RBFOX3: variants seen among roughly 807,000 people sequenced by gnomAD.
RBFOX3 encodes the protein RNA binding fox-1 homolog 3.
Under a neutral mutation model 48.7 loss-of-function variants are expected in RBFOX3, and 17 were observed. That is an observed-to-expected ratio of 0.35 (90% CI 0.24 to 0.52). The LOEUF (loss-of-function observed/expected upper bound fraction) is 0.52, where lower values mean the gene tolerates loss of function less well. Ranked by LOEUF, RBFOX3 falls within the 20% of genes least tolerant of loss-of-function variation. The pLI, the probability that RBFOX3 is intolerant of heterozygous loss-of-function variation, is 0.94. For synonymous variants in RBFOX3, 212 were observed against 209.5 expected, an observed-to-expected ratio of 1.01 and a Z score of -0.10; for missense variants, 382 against 497.5, an observed-to-expected ratio of 0.77 and a Z score of 2.21.
intron 4 of RBFOX3, among the ~76,000 whole-genome samples, chr17:79,118,451 G>A (rs953446397): frequency 5.1e-4 from 77 of 152,204 alleles, no homozygotes; most frequent in African/African-American, 1.8e-3. Context: ...GAGGAGGAGG[G>A]GGAAGGAGAG....
intron 1 of RBFOX3, among the ~76,000 whole-genome samples, chr17:79,596,904 C>T (rs1398158342): frequency 6.6e-6 from 1 of 152,222 alleles, no homozygotes; most frequent in African/African-American, 2.4e-5. Flanking sequence ...CTTAGATACA[C>T]CCAGTGATAA....
intron 1 of RBFOX3, among the ~76,000 whole-genome samples, chr17:79,510,330 C>T (rs1355570127): frequency 6.6e-6 from 1 of 152,202 alleles, no homozygotes; most frequent in African/African-American, 2.4e-5. Context: ...GTACCTGACC[C>T]GCTGCGCACC....
At chr17:79,493,131 G>A (rs2080940148) in intron 1 of RBFOX3, among the ~76,000 whole-genome samples, 1 of 152,120 alleles carries the variant, frequency 6.6e-6, no homozygotes, top group Admixed American at 6.5e-5. Flanking sequence ...AAGCTGAAGA[G>A]GGAGGAGGCG....
At chr17:79,248,548 C>T (rs568756890) in intron 3 of RBFOX3, among the ~76,000 whole-genome samples, 24 of 152,348 alleles carry the variant, frequency 1.6e-4, no homozygotes, top group Admixed American at 3.9e-4. Flanking sequence ...TTAAACTGCA[C>T]TCCCCAACCT....
intron 5 of RBFOX3, among the ~76,000 whole-genome samples, chr17:79,109,860 G>A (rs1307751990): frequency 1.3e-5 from 2 of 152,212 alleles, no homozygotes; most frequent in Non-Finnish European, 2.9e-5. Flanking sequence ...GGATGAGGCG[G>A]GAGGAAGGGG....
At chr17:79,193,941 T>A (rs879429633) in intron 4 of RBFOX3, among the ~76,000 whole-genome samples, 1 of 146,888 alleles carries the variant, frequency 6.8e-6, no homozygotes, top group African/African-American at 2.6e-5. Flanking sequence ...GTGGAGGAGG[T>A]GGGAGTGGGA....
At chr17:79,621,751 T>C in the RBFOX3 span, among the ~76,000 whole-genome samples, 2 of 152,214 alleles carry the variant, frequency 1.3e-5, no homozygotes, top group African/African-American at 2.4e-5. Flanking sequence ...GCAGCCTCTA[T>C]GGGAAGCTTG....
the RBFOX3 span, among the ~76,000 whole-genome samples, chr17:79,664,297 C>T: frequency 6.6e-6 from 1 of 151,888 alleles, no homozygotes; most frequent in African/African-American, 2.4e-5. Context: ...GCCTCAACCT[C>T]CCGAGTAGCT....
intron 2 of RBFOX3, among the ~76,000 whole-genome samples, chr17:79,459,594 C>G (rs1262373191): frequency 2.0e-5 from 3 of 152,100 alleles, no homozygotes; most frequent in African/African-American, 7.2e-5. Context: ...CCCTGGAAGT[C>G]AAGTCCACCA....
At chr17:79,333,865 A>T (rs2080783342) in intron 2 of RBFOX3, among the ~76,000 whole-genome samples, 1 of 151,976 alleles carries the variant, frequency 6.6e-6, no homozygotes, top group Non-Finnish European at 1.5e-5. Context: ...CTCAAGAGGC[A>T]TCATCCTGGG....
intron 3 of RBFOX3, among the ~76,000 whole-genome samples, chr17:79,266,626 T>A (rs1225047511): frequency 6.6e-6 from 1 of 151,970 alleles, no homozygotes; most frequent in Non-Finnish European, 1.5e-5. Context: ...CTAGATAAGA[T>A]AGCTTCAGAA....
intron 2 of RBFOX3, among the ~76,000 whole-genome samples, chr17:79,420,051 TGGGA>T (rs1310173880): frequency 1.1e-4 from 16 of 151,684 alleles, no homozygotes; most frequent in African/African-American, 3.6e-4. Flanking sequence ...CGCTTGAACC[TGGGA>T]GGCGGATGTT....
At chr17:79,297,279 G>T (rs1324937643) in intron 3 of RBFOX3, among the ~76,000 whole-genome samples, 1 of 152,114 alleles carries the variant, frequency 6.6e-6, no homozygotes, top group African/African-American at 2.4e-5. Context: ...GGCCCCTTGG[G>T]ATCCAGCCTC....
chr17:79,284,215 C>A (rs972837164), intron 3 of RBFOX3, among the ~76,000 whole-genome samples: 1 of 152,150 alleles, frequency 6.6e-6, no homozygotes, highest in Non-Finnish European at 1.5e-5. Context: ...GCCATGTTTC[C>A]GTGAGCATCG....
chr17:79,135,681 C>A (rs2040025616), intron 4 of RBFOX3, among the ~76,000 whole-genome samples: 2 of 152,210 alleles, frequency 1.3e-5, no homozygotes, highest in Admixed American at 6.5e-5. Context: ...CCATTCCTTG[C>A]CAACCTTTCC....
At chr17:79,331,610 G>C (rs1267802958) in intron 2 of RBFOX3, among the ~76,000 whole-genome samples, 2 of 152,192 alleles carry the variant, frequency 1.3e-5, no homozygotes, top group Admixed American at 6.5e-5. Context: ...TCTCCTAAGA[G>C]ATTGAAGACG....
intron 3 of RBFOX3, among the ~76,000 whole-genome samples, chr17:79,267,558 T>A (rs993988206): frequency 6.6e-6 from 1 of 152,168 alleles, no homozygotes. Flanking sequence ...GCCCGGCTAA[T>A]TTTTGTATTT....
At position 79,545,954 on chromosome 17, in the gene RBFOX3, G is replaced by C. The variant is rs1475447414; in HGVS notation, c.-319-63356C>G. ...GGAAAGACTGTGTGTGTGTGCACGT[G>C]TGTGCGTGTGCACGTGTGTGTGCAC... is the stretch of plus-strand genomic sequence containing the variant. On this transcript the variant is annotated intron_variant, in intron 1 of 14. Coordinates refer to ENST00000693108, the MANE Select transcript of RBFOX3 (RefSeq NM_001350451.2). 2.0e-5 allele frequency among the ~76,000 whole-genome samples: 3 copies of C among 152,298 alleles called. No individual in the cohort carries two copies. In the East Asian group the frequency reaches 5.8e-4, roughly 29 times the overall value.
At chr17:79,550,560 TACGGAATG>T (rs1156697026) in intron 1 of RBFOX3, among the ~76,000 whole-genome samples, 2 of 152,198 alleles carry the variant, frequency 1.3e-5, no homozygotes, top group Admixed American at 6.5e-5. Context: ...TATAATCATT[TACGGAATG>T]ACGGAATGAC....
Sources: allele counts gnomAD v4.1 joint callset (sites outside exome capture counted in the v4.1 genomes callset), GRCh38; gene constraint gnomAD v4.1.1; transcripts MANE v1.5; gene names NCBI Gene and HGNC (gene_info 2026-07-23, HGNC 2026-07-21).